Variants in MSH3 observed in about 807,000 individuals in gnomAD.
MSH3 encodes the protein mutS homolog 3.
MSH3 carries 106 observed loss-of-function variants against 123.3 expected under a neutral mutation model. That is an observed-to-expected ratio of 0.86 (90% CI 0.73 to 1.01). The LOEUF is 1.01. Among genes scored for constraint, MSH3 ranks in the 50% least tolerant of loss-of-function variants. MSH3 has a pLI of 0.00. For missense variants in MSH3, 1,459 were observed against 1,347.6 expected, an observed-to-expected ratio of 1.08 and a Z score of -1.29; for synonymous variants, 515 against 481.4, an observed-to-expected ratio of 1.07 and a Z score of -0.91.
At chr5:80,671,176 C>T (rs766718227) in intron 4 of MSH3, among the ~76,000 whole-genome samples, 2 of 151,806 alleles carry the variant, frequency 1.3e-5, no homozygotes, top group Admixed American at 1.3e-4. Flanking sequence ...TATTATAGGC[C>T]CTAGTCAAGA....
chr5:80,739,950 A>T (rs1163841241), intron 10 of MSH3, among the ~76,000 whole-genome samples: 1 of 152,200 alleles, frequency 6.6e-6, no homozygotes, highest in Non-Finnish European at 1.5e-5. Flanking sequence ...AAATTTCATT[A>T]TAGCTATGAG....
At chr5:80,850,631 G>T (rs955478520) in intron 20 of MSH3, among the ~76,000 whole-genome samples, 2 of 152,152 alleles carry the variant, frequency 1.3e-5, no homozygotes, top group African/African-American at 4.8e-5. Flanking sequence ...CATGAGAACA[G>T]CACAGGAAAG....
rs1745447435 is a variant in MSH3 at position 80,833,087 on chromosome 5, TC to T, written c.2813+19348del. Among the ~76,000 whole-genome samples the T allele has an allele frequency of 3.3e-5, 5 of 152,196 alleles. No homozygotes were observed. In the South Asian group the frequency reaches 1.0e-3, roughly 32 times the overall value. On this transcript the variant is annotated intron_variant, in intron 20 of 23. Coordinates refer to ENST00000265081, the MANE Select transcript of MSH3 (RefSeq NM_002439.5). Reference sequence around the variant, plus strand: ...CCCAAAAAAGTACTAATTTCTTTTTTCCACAATGCTTTATTAAGCTTTGTTG... The same window carrying T: ...CCCAAAAAAGTACTAATTTCTTTTTTCACAATGCTTTATTAAGCTTTGTTG...
At chr5:80,760,720 G>A (rs1048454641) in intron 12 of MSH3, among the ~76,000 whole-genome samples, 2 of 152,202 alleles carry the variant, frequency 1.3e-5, no homozygotes, top group Non-Finnish European at 1.5e-5. Flanking sequence ...TAACAGATCC[G>A]GGAATGGTGG....
intron 8 of MSH3, among the ~76,000 whole-genome samples, chr5:80,694,632 T>C (rs1750428202): frequency 6.6e-6 from 1 of 152,102 alleles, no homozygotes; most frequent in Admixed American, 6.5e-5. Flanking sequence ...GAGAACTTCC[T>C]TTAACCATTC....
chr5:80,875,068 A>G (rs1580105575), intron 23 of MSH3, among the ~76,000 whole-genome samples: 1 of 152,174 alleles, frequency 6.6e-6, no homozygotes, highest in Admixed American at 6.5e-5. Flanking sequence ...GTGTGTAGAA[A>G]CCATTCTGAG....
intron 8 of MSH3, among the ~76,000 whole-genome samples, chr5:80,696,526 A>G (rs1158223505): frequency 6.6e-6 from 1 of 152,008 alleles, no homozygotes; most frequent in Non-Finnish European, 1.5e-5. Flanking sequence ...TTTCAGCTCC[A>G]AGTCTGGGTT....
chr5:80,805,588 C>G lies in MSH3; in HGVS notation c.2656-7996C>G, dbSNP rs1011090421. 3.0e-4 allele frequency among the ~76,000 whole-genome samples: 34 copies of G among 114,080 alleles called. 1 individual carries two copies. In the East Asian group the frequency reaches 4.3e-3, roughly 14 times the overall value. The allele number at this position is 114,080 out of a possible 152,430, so 74.8% of individuals were successfully genotyped here. ...CACTTTCAATATGATGCCCCCCCCC[C>G]CTACCTTTTTTTTTTTTTTTTTTTG... On this transcript the variant is annotated intron_variant, in intron 19 of 23. Transcript: ENST00000265081.
Position 80,873,098 on chromosome 5 carries a change from CCTTT to C in MSH3, c.3131-13_3131-10del, listed in dbSNP as rs780628847. The C allele has an allele frequency of 5.6e-6, 9 of 1,609,500 alleles. No homozygotes were observed. The highest frequency in any genetic ancestry group is 1.7e-4 in the Middle Eastern group (1 of 6,046). On this transcript the variant is annotated splice_polypyrimidine_tract_variant and intron_variant, in intron 22 of 23. Coordinates refer to ENST00000265081, the MANE Select transcript of MSH3 (RefSeq NM_002439.5). Reference sequence around the variant, plus strand: ...CAGCTTTCAGGCACAGTTTTGATCTCCTTTCTTTATTTCACAGGCGCAGCAGAAC... The same window carrying C: ...CAGCTTTCAGGCACAGTTTTGATCTCCTTTATTTCACAGGCGCAGCAGAAC...
chr5:80,668,917 T>C (rs1561435693), intron 3 of MSH3, among the ~76,000 whole-genome samples: 1 of 152,170 alleles, frequency 6.6e-6, no homozygotes, highest in Non-Finnish European at 1.5e-5. Flanking sequence ...TTCCACCCAT[T>C]TCTGGCTCCT....
chr5:80,740,547 G>T (rs901996943), intron 10 of MSH3, among the ~76,000 whole-genome samples: 2 of 151,738 alleles, frequency 1.3e-5, no homozygotes, highest in Non-Finnish European at 2.9e-5. Flanking sequence ...TAGTAGAGAC[G>T]GGGTTTCATC....
intron 20 of MSH3, among the ~76,000 whole-genome samples, chr5:80,822,644 C>T (rs1745221042): frequency 2.6e-5 from 4 of 152,170 alleles, no homozygotes; most frequent in Admixed American, 2.6e-4. Flanking sequence ...CTTAGTTGTT[C>T]TCATTGAAAG....
intron 20 of MSH3, among the ~76,000 whole-genome samples, chr5:80,834,034 C>A (rs1745464974): frequency 6.6e-6 from 1 of 152,124 alleles, no homozygotes; most frequent in Admixed American, 6.5e-5. Flanking sequence ...AAACAGTTCC[C>A]ACAATTATAA....
intron 19 of MSH3, among the ~76,000 whole-genome samples, chr5:80,808,906 C>T (rs245387): frequency 0.84 from 115,425 of 137,070 alleles, 48,824 homozygotes; most frequent in East Asian, 1. Flanking sequence ...TCGAAGAGAG[C>T]AATATTTCTA....
intron 6 of MSH3, 88 bp downstream of exon 6, chr5:80,672,946 T>C: frequency 8.5e-6 from 9 of 1,062,970 alleles, no homozygotes; most frequent in Non-Finnish European, 1.3e-5. Context: ...GTTTTTTAGT[T>C]GCTCTTTGGG....
intron 10 of MSH3, among the ~76,000 whole-genome samples, chr5:80,737,727 T>C (rs1042531373): frequency 3.9e-5 from 6 of 152,172 alleles, no homozygotes; most frequent in Non-Finnish European, 7.4e-5. Flanking sequence ...ATTGCATTTC[T>C]ATTGGGAAGG....
Position 80,654,752 on chromosome 5 carries a change from G to A in MSH3, c.25G>A (p.Gly9Ser). 1.9e-6 allele frequency: 3 copies of A among 1,602,592 alleles called. No individual in the cohort carries two copies. The highest frequency in any genetic ancestry group is 2.6e-6 in the Non-Finnish European group (3 of 1,176,068). MSRRKPASGGLAASSSAPA... is the reference protein window; with the variant it reads MSRRKPASSGLAASSSAPA... ...CATGTCTCGCCGGAAGCCTGCGTCG[G>A]GCGGCCTCGCTGCCTCCAGCTCAGC... Residue 9 changes from glycine (G) to serine (S), a missense_variant, in exon 1 of 24, where the codon GGC (glycine) becomes AGC (serine). Physicochemically the swap from Gly to Ser is moderately conservative, Grantham distance 56. Transcript: ENST00000265081.
intron 12 of MSH3, among the ~76,000 whole-genome samples, chr5:80,758,242 A>G (rs1743962844): frequency 6.6e-6 from 1 of 152,148 alleles, no homozygotes; most frequent in Non-Finnish European, 1.5e-5. Flanking sequence ...ATACATAGTT[A>G]TTTCTGAGCT....
At chr5:80,727,077 C>T (rs1012708444) in intron 9 of MSH3, among the ~76,000 whole-genome samples, 2 of 152,212 alleles carry the variant, frequency 1.3e-5, no homozygotes, top group African/African-American at 4.8e-5. Context: ...TTTCTTGCTG[C>T]AGTCTCTACA....
Sources: gnomAD v4.1 joint callset for allele counts (sites outside exome capture counted in the v4.1 genomes callset) on GRCh38, gnomAD v4.1.1 for gene constraint, MANE v1.5 for transcripts, NCBI Gene and HGNC (gene_info 2026-07-23, HGNC 2026-07-21) for gene names.